XRCC6: variants seen among roughly 807,000 people sequenced by gnomAD.
The protein encoded by XRCC6 is X-ray repair cross complementing 6, also known as DNA repair protein Ku70.
XRCC6 carries 5 observed loss-of-function variants against 65.7 expected under a neutral mutation model. The observed-to-expected ratio is 0.08, with a 90% confidence interval of 0.04 to 0.16. XRCC6 has a LOEUF of 0.16. Ranked by LOEUF, XRCC6 falls within the 10% of genes least tolerant of loss-of-function variation. XRCC6 has a pLI of 1.00. For missense variants in XRCC6, 447 were observed against 738.1 expected (o/e 0.61, Z 4.57); for synonymous variants, 270 against 270.6 (o/e 1.00, Z 0.02).
At chr22:41,625,269 A>G (rs74383015) in intron 2 of XRCC6, among the ~76,000 whole-genome samples, 1,588 of 152,338 alleles carry the variant, frequency 0.01, 28 homozygotes, top group African/African-American at 0.037. Context: ...GCGTCATCGC[A>G]TGTTTAAGGT....
Position 41,627,796 on chromosome 22 carries a change from C to G in XRCC6, c.83-322C>G, listed in dbSNP as rs180830895. Among the ~76,000 whole-genome samples, 423 of 152,086 alleles carry G rather than the reference C, an allele frequency of 2.8e-3. 1 individual carries two copies. The highest frequency in any genetic ancestry group is 6.8e-3 in the Middle Eastern group (2 of 294). The stretch of plus-strand genomic sequence containing the variant: ...GGCTGAGTCAGGATGATGGCTTGAG[C>G]CCAGGAGTTCGAGGTTGCAGTGAGC... On this transcript the variant is annotated intron_variant, in intron 2 of 12. Coordinates refer to ENST00000360079, the MANE Select transcript of XRCC6 (RefSeq NM_001469.5).
intron 6 of XRCC6, among the ~76,000 whole-genome samples, chr22:41,643,555 T>C (rs1001398788): frequency 4.6e-5 from 7 of 152,212 alleles, no homozygotes; most frequent in Non-Finnish European, 1.0e-4. Flanking sequence ...GCGCGCTGGC[T>C]CATGCCTGTA....
intron 3 of XRCC6, among the ~76,000 whole-genome samples, chr22:41,634,186 A>ATTT (rs757276375): frequency 7.1e-6 from 1 of 140,440 alleles, no homozygotes; most frequent in Non-Finnish European, 1.6e-5. Context: ...CCAAAACTTA[A>ATTT]TTTTTTTTTT....
At chr22:41,638,060 C>T (rs897897796) in intron 6 of XRCC6, among the ~76,000 whole-genome samples, 3 of 151,654 alleles carry the variant, frequency 2.0e-5, no homozygotes, top group South Asian at 2.1e-4. Flanking sequence ...CTACTTAACT[C>T]GACTATGCCA....
At chr22:41,628,378 A>G in intron 3 of XRCC6, 148 bp downstream of exon 3, 1 of 563,664 alleles carries the variant, frequency 1.8e-6, no homozygotes, top group Non-Finnish European at 3.1e-6. Context: ...GGTAACATGG[A>G]GAAACCCCGT....
chr22:41,661,975 CAG>C (rs1196459363), intron 12 of XRCC6, among the ~76,000 whole-genome samples: 16 of 152,142 alleles, frequency 1.1e-4, no homozygotes, highest in African/African-American at 3.6e-4. Flanking sequence ...CTCAGAAAGA[CAG>C]ACATTTACAT....
chr22:41,656,878 A>G (rs1268440029), intron 9 of XRCC6, 25 bp from the exon 10 acceptor site: 1 of 1,611,818 alleles, frequency 6.2e-7, no homozygotes, highest in Non-Finnish European at 8.5e-7. Context: ...AGTCAAATCA[A>G]AGAAAATTTA....
At chr22:41,625,267 G>T (rs1032408224) in intron 2 of XRCC6, among the ~76,000 whole-genome samples, 1 of 152,208 alleles carries the variant, frequency 6.6e-6, no homozygotes, top group Non-Finnish European at 1.5e-5. Context: ...TCGCGTCATC[G>T]CATGTTTAAG....
chr22:41,651,361 A>ATTTTTTTTTTTTT (rs764795746), intron 8 of XRCC6, among the ~76,000 whole-genome samples: 3 of 49,758 alleles, frequency 6.0e-5, no homozygotes, highest in African/African-American at 1.2e-4. Flanking sequence ...AGTTAAACAG[A>ATTTTTTTTTTTTT]TTTTTTTTTT....
intron 6 of XRCC6, among the ~76,000 whole-genome samples, chr22:41,646,658 G>C (rs1248657932): frequency 6.6e-6 from 1 of 152,066 alleles, no homozygotes; most frequent in Non-Finnish European, 1.5e-5. Context: ...TTTTGCAAAG[G>C]GATACGCAAC....
chr22:41,663,157 C>G (rs1164082442), intron 12 of XRCC6, among the ~76,000 whole-genome samples: 1 of 152,174 alleles, frequency 6.6e-6, no homozygotes, highest in Non-Finnish European at 1.5e-5. Context: ...AGTCCAGTGG[C>G]TCAATCACAG....
intron 11 of XRCC6, among the ~76,000 whole-genome samples, 155 bp downstream of exon 11, chr22:41,658,507 A>C (rs1360484265): frequency 6.6e-6 from 1 of 152,224 alleles, no homozygotes; most frequent in Admixed American, 6.5e-5. Flanking sequence ...GACCAGCTTA[A>C]ACAGCCAGGG....
At chr22:41,639,680 TGAGATGGAGTC>T (rs2067853581) in intron 6 of XRCC6, among the ~76,000 whole-genome samples, 7 of 143,076 alleles carry the variant, frequency 4.9e-5, no homozygotes, top group South Asian at 2.2e-4. Flanking sequence ...TTTTTTTTTT[TGAGATGGAGTC>T]TTGCTCTTTT....
Position 41,638,776 on chromosome 22 carries a change from C to CAAAAA in XRCC6, c.773+1003_773+1007dup, listed in dbSNP as rs56677816. Reference sequence around the variant, plus strand: ...CTGGTGACAAAGTGAGACTCCGCCTCAAAAAAAAAAAAAAAAAAAAAAGAA... The same window carrying CAAAAA: ...CTGGTGACAAAGTGAGACTCCGCCTCAAAAAAAAAAAAAAAAAAAAAAAAAAAGAA... On this transcript the variant is annotated intron_variant, in intron 6 of 12. Coordinates refer to ENST00000360079, the MANE Select transcript of XRCC6 (RefSeq NM_001469.5). Among the ~76,000 whole-genome samples the CAAAAA allele has an allele frequency of 1.0e-3, 66 of 65,644 alleles. 2 individuals are homozygous for CAAAAA. The highest frequency in any genetic ancestry group is 3.6e-3 in the African/African-American group (62 of 17,206). The allele number at this position is 65,644 out of a possible 152,430, so 43.1% of individuals were successfully genotyped here. A position where few individuals can be genotyped will look rare whatever the true frequency, so the allele number is the denominator to read the frequency against.
intron 6 of XRCC6, among the ~76,000 whole-genome samples, chr22:41,638,065 A>G (rs1052298542): frequency 6.6e-6 from 1 of 152,044 alleles, no homozygotes; most frequent in Admixed American, 6.6e-5. Context: ...TAACTCGACT[A>G]TGCCACTGCC....
At chr22:41,632,448 T>C (rs1023138288) in intron 3 of XRCC6, among the ~76,000 whole-genome samples, 3 of 151,676 alleles carry the variant, frequency 2.0e-5, no homozygotes, top group African/African-American at 7.3e-5. Flanking sequence ...CTGTCTCTAC[T>C]CAAAATACAA....
At chr22:41,644,040 G>A (rs1469360993) in intron 6 of XRCC6, among the ~76,000 whole-genome samples, 1 of 147,944 alleles carries the variant, frequency 6.8e-6, no homozygotes, top group African/African-American at 2.5e-5. Context: ...CCAGCTACTT[G>A]GGAGGCTGAG....
chr22:41,633,166 T>C (rs546421345), intron 3 of XRCC6, among the ~76,000 whole-genome samples: 1 of 152,172 alleles, frequency 6.6e-6, no homozygotes, highest in Admixed American at 6.6e-5. Flanking sequence ...AATAGAACTA[T>C]GAATAAAAAC....
chr22:41,637,742 C>A lies in XRCC6; in HGVS notation c.724C>A (p.Leu242Met). Residue 242 changes from leucine to methionine, a missense_variant, in exon 6 of 13, where the codon CTG (leucine) becomes ATG (methionine). By Grantham distance (15) the Leu-to-Met change is conservative. This residue lies in a region of XRCC6 where 228 missense variants were observed against 307.4 expected (regional missense o/e 0.74). Transcript: ENST00000360079. Reference protein sequence around the residue: ...HFEESSKLEDLLRKVRAKETR... With the variant: ...HFEESSKLEDMLRKVRAKETR... Reference sequence around the variant, plus strand: ...TGAGGAATCCAGCAAGCTAGAAGACCTGTTGCGGAAGGTTCGCGCCAAGGA... The same window carrying A: ...TGAGGAATCCAGCAAGCTAGAAGACATGTTGCGGAAGGTTCGCGCCAAGGA... 6.2e-7 allele frequency: 1 copy of A among 1,613,990 alleles called. No homozygotes were observed. The highest frequency in any genetic ancestry group is 8.5e-7 in the Non-Finnish European group (1 of 1,179,992).
Sources: gnomAD v4.1 joint callset for allele counts (sites outside exome capture counted in the v4.1 genomes callset) on GRCh38, gnomAD v4.1.1 for gene constraint, gnomAD v4.1.1 regional missense constraint, MANE v1.5 for transcripts, NCBI Gene and HGNC (gene_info 2026-07-23, HGNC 2026-07-21) for gene names.